Variants in PPARA observed in about 807,000 individuals in gnomAD.
PPARA encodes the protein peroxisome proliferator-activated receptor alpha.
PPARA carries 22 observed loss-of-function variants against 42.2 expected under a neutral mutation model. The ratio of observed to expected loss-of-function variants is 0.52; its 90% CI spans 0.37 to 0.74. PPARA has a LOEUF of 0.74. Ranked by LOEUF, PPARA falls within the 30% of genes least tolerant of loss-of-function variation. The pLI is 0.00. For missense variants in PPARA, 465 were observed against 608.2 expected (o/e 0.76, Z 2.48); for synonymous variants, 242 against 239.3 (o/e 1.01, Z -0.10).
rs1936371214 is a variant in PPARA at position 46,241,569 on chromosome 22, G to A, written c.*6189G>A. The A allele has an allele frequency of 6.6e-6, 1 of 152,228 alleles. No homozygotes were observed. Among genetic ancestry groups the A allele is most frequent in the Non-Finnish European group, 1.5e-5 (1 of 68,044 alleles). The allele number at this position is 152,228 out of a possible 1,614,324, so 9.4% of individuals were successfully genotyped here. ...AGAAAGAGACAGGCTGGTGCCCAAG[G>A]CTGCTGCCTGCTCCACCTTTTGCCA... On this transcript the variant is annotated 3_prime_UTR_variant, in exon 9 of 9. Transcript: ENST00000407236. The surrounding 1 kb of genome is among the most constrained non-coding windows in gnomAD (Gnocchi z 5.7).
intron 4 of PPARA, among the ~76,000 whole-genome samples, chr22:46,206,492 G>A (rs1186155061): frequency 6.6e-6 from 1 of 152,102 alleles, no homozygotes; most frequent in Non-Finnish European, 1.5e-5. Context: ...TGTTATTTTA[G>A]TAGTTGCTTT....
In PPARA at chr22:46,227,825, C is replaced by T. The variant is rs1032437384; in HGVS notation, c.712-3967C>T. On this transcript the variant is annotated intron_variant, in intron 7 of 8. Coordinates refer to ENST00000407236, the MANE Select transcript of PPARA (RefSeq NM_005036.6). This position sits in a 1 kb window ranked among gnomAD's most constrained non-coding sequence, Gnocchi z 4.3. Reference sequence around the variant, plus strand: ...CATAGTCAAGCTTGAGTATAAAAGGCATATTCCAAAGTTAAATATAAGCTG... The same window carrying T: ...CATAGTCAAGCTTGAGTATAAAAGGTATATTCCAAAGTTAAATATAAGCTG... Among the ~76,000 whole-genome samples the T allele has an allele frequency of 2.0e-5, 3 of 152,192 alleles. No individual in the cohort carries two copies. The highest frequency in any genetic ancestry group is 7.2e-5 in the African/African-American group (3 of 41,442).
Position 46,163,216 on chromosome 22 carries a change from A to G in PPARA, c.-127+11246A>G, listed in dbSNP as rs1007635830. ...CGGAATTTCCTTTCACTAAAGAACC[A>G]AGTCCAGGGGGAGGAAAGAGTGAAT... On this transcript the variant is annotated intron_variant, in intron 2 of 8. Transcript: ENST00000407236. This position sits in a 1 kb window ranked among gnomAD's most constrained non-coding sequence, Gnocchi z 4.9. 2 of 152,274 alleles carry G rather than the reference A, an allele frequency of 1.3e-5. No homozygotes were observed. Among genetic ancestry groups the G allele is most frequent in the Non-Finnish European group, 2.9e-5 (2 of 68,056 alleles). The allele number at this position is 152,274 out of a possible 1,614,324, so 9.4% of individuals were successfully genotyped here.
In PPARA at chr22:46,190,419, G is replaced by A. The variant is rs1358366126; in HGVS notation, c.-42-7923G>A. 6.6e-6 allele frequency among the ~76,000 whole-genome samples: 1 copy of A among 152,164 alleles called. No homozygotes were observed. The highest frequency in any genetic ancestry group is 1.5e-5 in the Non-Finnish European group (1 of 68,038). On this transcript the variant is annotated intron_variant, in intron 3 of 8. Coordinates refer to ENST00000407236, the MANE Select transcript of PPARA (RefSeq NM_005036.6). This position sits in a 1 kb window ranked among gnomAD's most constrained non-coding sequence, Gnocchi z 5.6. ...AGCATAAGCAGTCAAAAAAGTGAAA[G>A]TCTAACGTTCGTAATTATTGTTCTG... is the stretch of plus-strand genomic sequence containing the variant.
At chr22:46,215,535 C>T (rs9615238) in intron 5 of PPARA, among the ~76,000 whole-genome samples, 3 of 151,952 alleles carry the variant, frequency 2.0e-5, no homozygotes, top group Non-Finnish European at 2.9e-5. Context: ...ATCAGGAGTT[C>T]GATACCAGCC....
At chr22:46,169,391 C>A (rs538756307) in intron 2 of PPARA, among the ~76,000 whole-genome samples, 1 of 152,056 alleles carries the variant, frequency 6.6e-6, no homozygotes, top group East Asian at 1.9e-4. Flanking sequence ...CCCGCCACCA[C>A]GCCCGGCTAA....
At chr22:46,154,600 G>T (rs1924970484) in intron 2 of PPARA, among the ~76,000 whole-genome samples, 1 of 152,098 alleles carries the variant, frequency 6.6e-6, no homozygotes, top group South Asian at 2.1e-4. Context: ...CTGGGTGACA[G>T]AGTGAGACCT....
chr22:46,232,839 A>C lies in PPARA; in HGVS notation c.1159+600A>C, dbSNP rs1265089690. 6.6e-6 allele frequency among the ~76,000 whole-genome samples: 1 copy of C among 151,030 alleles called. No individual in the cohort carries two copies. The highest frequency in any genetic ancestry group is 6.6e-5 in the Admixed American group (1 of 15,102). ...AAAAAAAAAATAGAAAAAATTAGTCAAGTATGGTGGCATGTACCTGTAGTC... is the reference window on the plus strand; with the variant it reads ...AAAAAAAAAATAGAAAAAATTAGTCCAGTATGGTGGCATGTACCTGTAGTC... On this transcript the variant is annotated intron_variant, in intron 8 of 8. Transcript: ENST00000407236. The surrounding 1 kb of genome is among the most constrained non-coding windows in gnomAD (Gnocchi z 5.3).
intron 7 of PPARA, 127 bp downstream of exon 7, chr22:46,220,141 G>A (rs1483351440): frequency 7.2e-6 from 8 of 1,116,642 alleles, no homozygotes; most frequent in African/African-American, 1.5e-5. Flanking sequence ...AAAGGACAGC[G>A]AAGATGGAAA....
At chr22:46,218,589 T>C (rs1934709549) in intron 6 of PPARA, among the ~76,000 whole-genome samples, 188 bp downstream of exon 6, 1 of 151,820 alleles carries the variant, frequency 6.6e-6, no homozygotes, top group Non-Finnish European at 1.5e-5. Flanking sequence ...ATCCCAGCAC[T>C]TTGGGAGGCT....
chr22:46,199,284 A>G (rs1485085523), intron 4 of PPARA, among the ~76,000 whole-genome samples: 1 of 152,140 alleles, frequency 6.6e-6, no homozygotes, highest in Admixed American at 6.6e-5. Flanking sequence ...CGTCAAAGGG[A>G]AACAGATAAA....
intron 3 of PPARA, among the ~76,000 whole-genome samples, chr22:46,185,175 C>T (rs1930492542): frequency 6.6e-6 from 1 of 152,206 alleles, no homozygotes. Context: ...TCTTACTTCT[C>T]TTGCTTCTCC....
chr22:46,165,666 C>T lies in PPARA; in HGVS notation c.-126-11087C>T, dbSNP rs1436273722. 6.6e-6 allele frequency among the ~76,000 whole-genome samples: 1 copy of T among 152,196 alleles called. No homozygotes were observed. Among genetic ancestry groups the T allele is most frequent in the South Asian group, 2.1e-4 (1 of 4,834 alleles). Reference sequence around the variant, plus strand: ...TGACCTGGAAACGGATCAGCGTAATCGAGGACTGAAGTCCAGTTCTAGCTA... The same window carrying T: ...TGACCTGGAAACGGATCAGCGTAATTGAGGACTGAAGTCCAGTTCTAGCTA... On this transcript the variant is annotated intron_variant, in intron 2 of 8. Transcript: ENST00000407236. This position sits in a 1 kb window ranked among gnomAD's most constrained non-coding sequence, Gnocchi z 5.5.
intron 2 of PPARA, among the ~76,000 whole-genome samples, chr22:46,168,681 TC>T (rs1293546401): frequency 2.0e-5 from 3 of 151,880 alleles, no homozygotes; most frequent in Non-Finnish European, 2.9e-5. Flanking sequence ...CATGTGCCTT[TC>T]CCTCATTAGT....
At position 46,243,417 on chromosome 22, in the gene PPARA, C is replaced by T. The variant is rs1936428833; in HGVS notation, c.*8037C>T. The T allele has an allele frequency of 6.6e-6, 1 of 152,234 alleles. No individual in the cohort carries two copies. The highest frequency in any genetic ancestry group is 2.1e-4 in the South Asian group (1 of 4,828). 9.4% of individuals were successfully genotyped at this position (152,234 alleles called of 1,614,324 possible). A position where few individuals can be genotyped will look rare whatever the true frequency, so the allele number is the denominator to read the frequency against. On this transcript the variant is annotated 3_prime_UTR_variant, in exon 9 of 9. Transcript: ENST00000407236. This position sits in a 1 kb window ranked among gnomAD's most constrained non-coding sequence, Gnocchi z 5.0. ...ACAGGCCCCAGCATCCTCTCTCCAA[C>T]TTCATACCTCTCTCCTGGTGGGGGG...
At position 46,237,796 on chromosome 22, in the gene PPARA, C is replaced by A. The variant is rs1936264263; in HGVS notation, c.*2416C>A. 1 of 152,196 alleles carries A rather than the reference C, an allele frequency of 6.6e-6. No individual in the cohort carries two copies. Among genetic ancestry groups the A allele is most frequent in the Non-Finnish European group, 1.5e-5 (1 of 68,044 alleles). The allele number at this position is 152,196 out of a possible 1,614,324, so 9.4% of individuals were successfully genotyped here. ...CCTTTGAGTGTCTGTCATGGTGCAT[C>A]CGTTTCAGTATTATTTCCTAAAATG... On this transcript the variant is annotated 3_prime_UTR_variant, in exon 9 of 9. Transcript: ENST00000407236. The surrounding 1 kb of genome is among the most constrained non-coding windows in gnomAD (Gnocchi z 6.7).
At position 46,198,331 on chromosome 22, in the gene PPARA, T is replaced by C. The variant is rs1932564183; in HGVS notation, c.-42-11T>C. On this transcript the variant is annotated splice_polypyrimidine_tract_variant and intron_variant, in intron 3 of 8. Coordinates refer to ENST00000407236, the MANE Select transcript of PPARA (RefSeq NM_005036.6). Reference sequence around the variant, plus strand: ...ACGTCAGTCTTACCAATTGTTCCTCTTTCCTCCCAGTAGCTTGGAGCTCGG... The same window carrying C: ...ACGTCAGTCTTACCAATTGTTCCTCCTTCCTCCCAGTAGCTTGGAGCTCGG... 6.6e-7 allele frequency: 1 copy of C among 1,512,702 alleles called. No homozygotes were observed. The allele number at this position is 1,512,702 out of a possible 1,614,324, so 93.7% of individuals were successfully genotyped here.
In PPARA at chr22:46,215,137, C is replaced by T. The variant is rs777725224; in HGVS notation, c.209-36C>T. On this transcript the variant is annotated intron_variant, in intron 4 of 8. Transcript: ENST00000407236. ...CGGTTCAGACACAGGATAGTGATGC[C>T]TGGACTATTCATCCGTCTCTCCTCT... is the stretch of plus-strand genomic sequence containing the variant. 9 of 1,608,854 alleles carry T rather than the reference C, an allele frequency of 5.6e-6. No individual in the cohort carries two copies. The East Asian group carries it at 1.8e-4, about 32-fold the overall frequency.
At chr22:46,213,403 C>CTTTTTTT (rs61615727) in intron 4 of PPARA, among the ~76,000 whole-genome samples, 1 of 134,862 alleles carries the variant, frequency 7.4e-6, no homozygotes, top group African/African-American at 2.8e-5. Context: ...CATTTTCTTT[C>CTTTTTTT]TTTTTTTTTT....
Sources: gnomAD v4.1 joint callset for allele counts (sites outside exome capture counted in the v4.1 genomes callset) on GRCh38, gnomAD v4.1.1 for gene constraint, Gnocchi (gnomAD v3.1) non-coding constraint, MANE v1.5 for transcripts, NCBI Gene and HGNC (gene_info 2026-07-23, HGNC 2026-07-21) for gene names.